The following NUCB2 variants were observed in gnomAD, a reference collection of about 807,000 sequenced individuals.
The protein encoded by NUCB2 is nucleobindin-2.
NUCB2 carries 48 observed loss-of-function variants against 57.9 expected under a neutral mutation model. The ratio of observed to expected loss-of-function variants is 0.83; its 90% CI spans 0.66 to 1.05. The LOEUF is 1.05. NUCB2 is among the 50% of genes least tolerant of loss of function. NUCB2 has a pLI of 0.00. For missense variants in NUCB2, 442 were observed against 476.2 expected (o/e 0.93, Z 0.67); for synonymous variants, 139 against 152.1 (o/e 0.91, Z 0.64).
At chr11:17,323,334 G>C (rs1950260647) in intron 11 of NUCB2, among the ~76,000 whole-genome samples, 2 of 152,112 alleles carry the variant, frequency 1.3e-5, no homozygotes, top group Non-Finnish European at 2.9e-5. Context: ...CAGTTGAAAT[G>C]ATCATATGGT....
intron 2 of NUCB2, among the ~76,000 whole-genome samples, chr11:17,294,877 C>T (rs760749856): frequency 1.3e-5 from 2 of 151,924 alleles, no homozygotes; most frequent in African/African-American, 4.8e-5. Context: ...GAGAAACCCC[C>T]GTCTCTACTA....
chr11:17,308,885 A>G (rs971608788), intron 5 of NUCB2, among the ~76,000 whole-genome samples: 1 of 152,208 alleles, frequency 6.6e-6, no homozygotes, highest in Non-Finnish European at 1.5e-5. Flanking sequence ...TTATTTTTAG[A>G]AATTCTACTT....
intron 13 of NUCB2, 66 bp from the exon 14 acceptor site, chr11:17,331,346 A>T: frequency 1.1e-6 from 1 of 920,202 alleles, no homozygotes; most frequent in Non-Finnish European, 1.6e-6. Context: ...ATATTTGTAT[A>T]TGAAGGAACA....
At chr11:17,333,535 CAAAG>C (rs1463070424), downstream of NUCB2, 1 of 152,174 alleles carries the variant, frequency 6.6e-6, no homozygotes, top group Non-Finnish European at 1.5e-5. Context: ...TTGTTTTTAA[CAAAG>C]AACCTCATCA....
intron 5 of NUCB2, among the ~76,000 whole-genome samples, chr11:17,303,782 G>T (rs1230164656): frequency 1.3e-5 from 2 of 151,854 alleles, no homozygotes; most frequent in African/African-American, 4.8e-5. Flanking sequence ...CTACTTAGAA[G>T]GCTGAGGCAG....
At chr11:17,335,527 A>G (rs1346623322), downstream of NUCB2, among the ~76,000 whole-genome samples, 2 of 151,906 alleles carry the variant, frequency 1.3e-5, no homozygotes, top group East Asian at 1.9e-4. Flanking sequence ...TTTGAGACAG[A>G]GTCTCACTCT....
At chr11:17,342,792 G>A (rs1472090007) in intron 2 of NUCB2, among the ~76,000 whole-genome samples, 1 of 149,446 alleles carries the variant, frequency 6.7e-6, no homozygotes, top group African/African-American at 2.5e-5. Flanking sequence ...ATATTCTGTT[G>A]ATTTGGGGTG....
At chr11:17,312,244 T>G (rs1948595799) in intron 10 of NUCB2, 124 bp downstream of exon 10, 3 of 612,400 alleles carry the variant, frequency 4.9e-6, no homozygotes, top group Admixed American at 3.5e-5. Flanking sequence ...TTGTTTTTGT[T>G]TTTTTTTTGA....
rs1952917777 is a variant in NUCB2 at position 17,348,319 on chromosome 11, G to GGTTTTTTTTTTTTTTTTTTTTTT, written n.2627-1026_2627-1025insGTTTTTTTTTTTTTTTTTTTTTT. On this transcript the variant is annotated intron_variant and non_coding_transcript_variant, in intron 2 of 2. Coordinates refer to the NUCB2 transcript ENST00000532240. ...TGAGGTGTTTTTTGTTTGTTTTTGT[G>GGTTTTTTTTTTTTTTTTTTTTTT]TTTTTTTTTTTTTTTTTTTTTTTTT... Among the ~76,000 whole-genome samples, 3 of 84,450 alleles carry GGTTTTTTTTTTTTTTTTTTTTTT rather than the reference G, an allele frequency of 3.6e-5. 1 individual carries two copies. The highest frequency in any genetic ancestry group is 1.5e-4 in the African/African-American group (3 of 20,050). The allele number at this position is 84,450 out of a possible 152,430, so 55.4% of individuals were successfully genotyped here.
intron 4 of NUCB2, among the ~76,000 whole-genome samples, chr11:17,296,736 C>T (rs1471833255): frequency 6.6e-6 from 1 of 151,976 alleles, no homozygotes; most frequent in Non-Finnish European, 1.5e-5. Flanking sequence ...TGGCTAGACC[C>T]CAGAATGGGA....
intron 9 of NUCB2, 45 bp from the exon 10 acceptor site, chr11:17,311,983 G>T (rs1334999345): frequency 6.5e-7 from 1 of 1,538,274 alleles, no homozygotes; most frequent in South Asian, 1.2e-5. Context: ...TTTTTTTCCT[G>T]TTACTTTCTT....
chr11:17,334,928 C>T (rs1379497086), downstream of NUCB2, among the ~76,000 whole-genome samples: 1 of 150,538 alleles, frequency 6.6e-6, no homozygotes, highest in African/African-American at 2.4e-5. Context: ...CACAAGTTTA[C>T]ATTGTTTCAC....
intron 11 of NUCB2, among the ~76,000 whole-genome samples, chr11:17,321,346 T>C (rs573100787): frequency 1.3e-5 from 2 of 152,174 alleles, no homozygotes; most frequent in Non-Finnish European, 2.9e-5. Flanking sequence ...AGTAGGAACA[T>C]GTGATATTTG....
intron 2 of NUCB2, among the ~76,000 whole-genome samples, chr11:17,347,309 G>A (rs1952823786): frequency 6.6e-6 from 1 of 152,164 alleles, no homozygotes; most frequent in African/African-American, 2.4e-5. Flanking sequence ...GTGAGCAGAG[G>A]AGTGACTGAA....
At chr11:17,302,002 T>C (rs866518025) in intron 5 of NUCB2, 132 bp downstream of exon 5, 6 of 660,144 alleles carry the variant, frequency 9.1e-6, no homozygotes, top group Non-Finnish European at 1.2e-5. Flanking sequence ...TGGGCTCAAG[T>C]GATCCTCCCA....
intron 4 of NUCB2, among the ~76,000 whole-genome samples, chr11:17,297,362 G>A (rs952718974): frequency 3.3e-5 from 5 of 152,058 alleles, no homozygotes; most frequent in Non-Finnish European, 4.4e-5. Flanking sequence ...ACTGACTCCC[G>A]TTAGGTTGTG....
chr11:17,308,254 A>T (rs1257147427), intron 5 of NUCB2, among the ~76,000 whole-genome samples: 1 of 152,122 alleles, frequency 6.6e-6, no homozygotes, highest in Non-Finnish European at 1.5e-5. Context: ...TTAAGGGGCA[A>T]CTATATTTTA....
At chr11:17,294,914 G>A (rs942544236) in intron 2 of NUCB2, among the ~76,000 whole-genome samples, 8 of 152,042 alleles carry the variant, frequency 5.3e-5, no homozygotes, top group African/African-American at 1.9e-4. Flanking sequence ...CAGGTGTGAT[G>A]GCACATGCCT....
At chr11:17,283,480 T>C (rs772625093) in intron 2 of NUCB2, 1 of 152,260 alleles carries the variant, frequency 6.6e-6, no homozygotes, top group Non-Finnish European at 1.5e-5. Flanking sequence ...CTGTAAGCTG[T>C]GATAACCACT....
Sources: gnomAD v4.1 joint callset for allele counts (sites outside exome capture counted in the v4.1 genomes callset) on GRCh38, gnomAD v4.1.1 for gene constraint, MANE v1.5 for transcripts, NCBI Gene and HGNC (gene_info 2026-07-23, HGNC 2026-07-21) for gene names.